The following GNB1L variants were observed in gnomAD, a reference collection of about 807,000 sequenced individuals.
GNB1L encodes G protein subunit beta 1 like.
A neutral mutation model predicts 29.1 loss-of-function variants in GNB1L; 20 were observed. The ratio of observed to expected loss-of-function variants is 0.69; its 90% confidence interval spans 0.48 to 1.00. GNB1L has a LOEUF of 1.00. Among genes scored for constraint, GNB1L ranks in the 50% least tolerant of loss-of-function variants. The pLI, the probability that GNB1L is intolerant of heterozygous loss-of-function variation, is 0.00. For synonymous variants in GNB1L, 193 were observed against 206.5 expected, an observed-to-expected ratio of 0.93 and a Z score of 0.56; for missense variants, 421 against 464.9, an observed-to-expected ratio of 0.91 and a Z score of 0.87.
chr22:19,851,844 A>G, intron 2 of GNB1L: 1 of 1,613,952 alleles, frequency 6.2e-7, no homozygotes, highest in Non-Finnish European at 8.5e-7. Flanking sequence ...AGGATCTCGC[A>G]GACACGGCTG....
chr22:19,839,655 G>C (rs1465045401), intron 2 of GNB1L, among the ~76,000 whole-genome samples: 1 of 152,050 alleles, frequency 6.6e-6, no homozygotes, highest in Non-Finnish European at 1.5e-5. Flanking sequence ...GAGGCAAGCG[G>C]ATCACCTGAG....
At chr22:19,818,798 C>T (rs532303154) in intron 4 of GNB1L, among the ~76,000 whole-genome samples, 79 of 152,186 alleles carry the variant, frequency 5.2e-4, no homozygotes, top group Non-Finnish European at 1.1e-3. Context: ...GCTCAGGATT[C>T]CTGGGCTGGT....
intron 2 of GNB1L, among the ~76,000 whole-genome samples, chr22:19,840,360 G>A (rs1412158751): frequency 6.6e-6 from 1 of 152,238 alleles, no homozygotes; most frequent in African/African-American, 2.4e-5. Context: ...TATGGGTTAT[G>A]CAGTGACTCC....
In GNB1L at chr22:19,854,265, A is replaced by G. The variant is rs1165586854; in HGVS notation, c.-21+178T>C. Among the ~76,000 whole-genome samples, 3 of 152,338 alleles carry G rather than the reference A, an allele frequency of 2.0e-5. No homozygotes were observed. In the East Asian group the frequency reaches 5.8e-4, roughly 29 times the overall value. On this transcript the variant is annotated intron_variant, in intron 2 of 7. Coordinates refer to ENST00000329517, the MANE Select transcript of GNB1L (RefSeq NM_053004.3). Reference sequence around the variant, plus strand: ...TGTTTGCCCCCACAAGGCCAAAGGCAGCACCTGGAACGCTGGAGCCGTTCT... The same window carrying G: ...TGTTTGCCCCCACAAGGCCAAAGGCGGCACCTGGAACGCTGGAGCCGTTCT...
rs541884194 is a variant in GNB1L, at chr22:19,827,968, C to T, written c.-20-6593G>A. Reference sequence around the variant, plus strand: ...AAGGAACACATTGGGTAAATTCGTACGATAGAATACTCCACAGAACTGAAA... The same window carrying T: ...AAGGAACACATTGGGTAAATTCGTATGATAGAATACTCCACAGAACTGAAA... On this transcript the variant is annotated intron_variant, in intron 2 of 7. Coordinates refer to ENST00000329517, the MANE Select transcript of GNB1L (RefSeq NM_053004.3). Among the ~76,000 whole-genome samples the T allele has an allele frequency of 4.6e-5, 7 of 152,274 alleles. No homozygotes were observed. In the East Asian group the frequency reaches 5.8e-4, roughly 13 times the overall value.
chr22:19,798,010 A>C (rs1937327140), intron 7 of GNB1L, among the ~76,000 whole-genome samples: 1 of 152,156 alleles, frequency 6.6e-6, no homozygotes, highest in South Asian at 2.1e-4. Context: ...CTGCAGCACG[A>C]CACACAGCCA....
At chr22:19,789,586 C>T (rs575517245) in intron 7 of GNB1L, among the ~76,000 whole-genome samples, 10 of 151,782 alleles carry the variant, frequency 6.6e-5, no homozygotes, top group South Asian at 4.2e-4. Flanking sequence ...GCAACGTCCC[C>T]GGCTGGGTTC....
At chr22:19,806,574 G>GA in intron 6 of GNB1L, 85 bp downstream of exon 6, 1 of 840,504 alleles carries the variant, frequency 1.2e-6, no homozygotes, top group African/African-American at 1.7e-5. Flanking sequence ...TGAGTGGCTC[G>GA]ACGATAAATC....
intron 2 of GNB1L, among the ~76,000 whole-genome samples, chr22:19,840,300 T>C (rs1937836994): frequency 6.6e-6 from 1 of 152,160 alleles, no homozygotes; most frequent in Admixed American, 6.5e-5. Flanking sequence ...TTCCACTTTA[T>C]GCAGACACTC....
intron 2 of GNB1L, among the ~76,000 whole-genome samples, chr22:19,831,164 C>G (rs2145889389): frequency 6.6e-6 from 1 of 150,568 alleles, no homozygotes; most frequent in South Asian, 2.1e-4. Flanking sequence ...AGTTCAAAAC[C>G]AGCCTGGCCA....
intron 2 of GNB1L, among the ~76,000 whole-genome samples, chr22:19,838,881 GT>G (rs141094336): frequency 0.015 from 2,281 of 152,282 alleles, 49 homozygotes; most frequent in African/African-American, 0.051. Flanking sequence ...GTTTATAGTA[GT>G]TATAACTAAC....
At chr22:19,850,481 C>T (rs1448786373) in intron 2 of GNB1L, 2 of 1,020,620 alleles carry the variant, frequency 2.0e-6, no homozygotes, top group South Asian at 4.6e-5. Context: ...ACAGTGTTAA[C>T]ACACAAAGGG....
intron 7 of GNB1L, among the ~76,000 whole-genome samples, chr22:19,790,651 T>C (rs1412342103): frequency 2.0e-5 from 3 of 152,166 alleles, no homozygotes; most frequent in Admixed American, 6.5e-5. Flanking sequence ...CACTCCAGCC[T>C]GGGCAACAGA....
intron 6 of GNB1L, among the ~76,000 whole-genome samples, chr22:19,804,899 G>A (rs1170628402): frequency 1.3e-5 from 2 of 152,258 alleles, no homozygotes; most frequent in Non-Finnish European, 2.9e-5. Flanking sequence ...GGGTGGAACA[G>A]GAGCCGTGCA....
intron 2 of GNB1L, among the ~76,000 whole-genome samples, chr22:19,839,170 A>T (rs1937815650): frequency 6.6e-6 from 1 of 152,196 alleles, no homozygotes; most frequent in Admixed American, 6.5e-5. Flanking sequence ...AGCAAAAGGC[A>T]GGGTTTTGAG....
At chr22:19,828,980 C>T (rs1200870379) in intron 2 of GNB1L, among the ~76,000 whole-genome samples, 3 of 152,112 alleles carry the variant, frequency 2.0e-5, no homozygotes, top group Non-Finnish European at 4.4e-5. Flanking sequence ...TACAGGCACA[C>T]GCCACAGTGC....
At chr22:19,806,428 G>A (rs1220729085) in intron 6 of GNB1L, among the ~76,000 whole-genome samples, 2 of 152,228 alleles carry the variant, frequency 1.3e-5, no homozygotes, top group Non-Finnish European at 2.9e-5. Flanking sequence ...AGGACCTGCT[G>A]CCACTGCTGC....
chr22:19,821,502 G>A (rs1937579074), intron 2 of GNB1L, 127 bp from the exon 3 acceptor site: 6 of 907,036 alleles, frequency 6.6e-6, no homozygotes, highest in Non-Finnish European at 8.3e-6. Context: ...GCCCCTCCTG[G>A]GAGAGAGGTG....
At chr22:19,852,849 G>A (rs1938141816) in intron 2 of GNB1L, among the ~76,000 whole-genome samples, 1 of 152,148 alleles carries the variant, frequency 6.6e-6, no homozygotes, top group Non-Finnish European at 1.5e-5. Flanking sequence ...GAAGTAACTT[G>A]TCTGCAGCCA....
Sources: allele counts gnomAD v4.1 joint callset (sites outside exome capture counted in the v4.1 genomes callset), GRCh38; gene constraint gnomAD v4.1.1; transcripts MANE v1.5; gene names NCBI Gene and HGNC (gene_info 2026-07-23, HGNC 2026-07-21).